Variants in ELFN1 observed in about 807,000 individuals in gnomAD.
ELFN1 encodes the protein protein ELFN1.
Under a neutral mutation model 7.6 loss-of-function variants are expected in ELFN1, and 6 were observed. That is an observed-to-expected ratio of 0.79 (90% CI 0.43 to 1.56). The LOEUF (loss-of-function observed/expected upper bound fraction) is 1.56, where lower values mean the gene tolerates loss of function less well. ELFN1 is among the 40% of genes most tolerant of loss of function. The pLI is 0.01. For synonymous variants in ELFN1, 657 were observed against 588.1 expected (o/e 1.12, Z -1.70); for missense variants, 1,169 against 1,232.2 (o/e 0.95, Z 0.77).
chr7:1,689,134 A>G (rs962740698), intron 2 of ELFN1, among the ~76,000 whole-genome samples: 1 of 152,206 alleles, frequency 6.6e-6, no homozygotes, highest in East Asian at 1.9e-4. Context: ...TTCCCCCACA[A>G]GATTCCCTGG....
At chr7:1,738,128 C>A (rs1780501963) in intron 3 of ELFN1, among the ~76,000 whole-genome samples, 1 of 152,230 alleles carries the variant, frequency 6.6e-6, no homozygotes, top group East Asian at 1.9e-4. Context: ...CCCAGGCGAC[C>A]CTGGCCAGTC....
intron 2 of ELFN1, chr7:1,692,978 A>G (rs1207557583): frequency 4.3e-5 from 11 of 257,588 alleles, no homozygotes; most frequent in African/African-American, 1.1e-4. Flanking sequence ...ACGCTCTGCC[A>G]TGTGCTGGCC....
intron 1 of ELFN1, among the ~76,000 whole-genome samples, chr7:1,671,469 C>A (rs550396336): frequency 2.0e-5 from 3 of 152,240 alleles, no homozygotes; most frequent in African/African-American, 7.2e-5. Flanking sequence ...CTCATTCCCT[C>A]GATTGGGCTA....
At chr7:1,724,100 C>G (rs1304145944) in intron 3 of ELFN1, among the ~76,000 whole-genome samples, 4 of 152,204 alleles carry the variant, frequency 2.6e-5, no homozygotes, top group Admixed American at 1.3e-4. Context: ...CATGTCTGCC[C>G]CTCGTCTGTA....
At chr7:1,704,906 G>A (rs1302257031) in intron 2 of ELFN1, among the ~76,000 whole-genome samples, 3 of 152,092 alleles carry the variant, frequency 2.0e-5, no homozygotes, top group Non-Finnish European at 1.5e-5. Context: ...TGGAGCTCCC[G>A]GCTGGAGAGA....
At chr7:1,689,526 A>G (rs1405745334) in intron 2 of ELFN1, among the ~76,000 whole-genome samples, 1 of 152,232 alleles carries the variant, frequency 6.6e-6, no homozygotes, top group Non-Finnish European at 1.5e-5. Flanking sequence ...CAGAGGGCTC[A>G]GCTGGGCAGG....
intron 1 of ELFN1, among the ~76,000 whole-genome samples, chr7:1,686,194 A>AT (rs1174731809): frequency 4.0e-5 from 6 of 150,806 alleles, no homozygotes; most frequent in Non-Finnish European, 8.8e-5. Context: ...AGTTGCTAGT[A>AT]TTGCTGGGTT....
chr7:1,723,383 C>G (rs1040529811), intron 3 of ELFN1, among the ~76,000 whole-genome samples: 18 of 152,190 alleles, frequency 1.2e-4, no homozygotes, highest in African/African-American at 4.3e-4. Context: ...CTTTTGCAGG[C>G]TCTGACGCTT....
intron 3 of ELFN1, among the ~76,000 whole-genome samples, chr7:1,743,694 G>A (rs578177353): frequency 3.0e-4 from 46 of 152,318 alleles, no homozygotes; most frequent in East Asian, 1.9e-3. Flanking sequence ...CCCGCGCCCC[G>A]GAAGGATTCT....
chr7:1,674,107 C>T (rs933017801), intron 1 of ELFN1, among the ~76,000 whole-genome samples: 4 of 150,704 alleles, frequency 2.7e-5, no homozygotes, highest in African/African-American at 9.8e-5. Flanking sequence ...GCACAGGAGC[C>T]AGTGGGGAAA....
chr7:1,724,984 G>A (rs376383633), intron 3 of ELFN1, among the ~76,000 whole-genome samples: 86 of 152,338 alleles, frequency 5.6e-4, no homozygotes, highest in African/African-American at 2.1e-3. Flanking sequence ...GCCGGGCATG[G>A]CCCTGGCGAG....
intron 2 of ELFN1, among the ~76,000 whole-genome samples, chr7:1,690,337 T>TATGGATG (rs1779134901): frequency 7.5e-6 from 1 of 133,956 alleles, no homozygotes; most frequent in Admixed American, 7.5e-5. Context: ...TAGAAGGATA[T>TATGGATG]ATGGATGATG....
intron 1 of ELFN1, among the ~76,000 whole-genome samples, chr7:1,671,461 C>G (rs1447689773): frequency 6.6e-6 from 1 of 152,246 alleles, no homozygotes; most frequent in Non-Finnish European, 1.5e-5. Context: ...CTCTGCCGCT[C>G]ATTCCCTCGA....
upstream of ELFN1, among the ~76,000 whole-genome samples, chr7:1,667,129 C>A (rs920779054): frequency 6.6e-6 from 1 of 151,464 alleles, no homozygotes; most frequent in African/African-American, 2.4e-5. The surrounding 1 kb of genome is among the most constrained non-coding windows in gnomAD (Gnocchi z 8.2). Flanking sequence ...GGGTGTCGGC[C>A]CCCCCCCGAA....
chr7:1,736,160 C>T (rs1407007961), intron 3 of ELFN1, among the ~76,000 whole-genome samples: 3 of 152,296 alleles, frequency 2.0e-5, no homozygotes, highest in East Asian at 3.9e-4. Flanking sequence ...ACAGACAGGG[C>T]GAGAGCCAAG....
At chr7:1,700,079 C>T (rs1456491328) in intron 2 of ELFN1, among the ~76,000 whole-genome samples, 1 of 152,178 alleles carries the variant, frequency 6.6e-6, no homozygotes, top group African/African-American at 2.4e-5. Flanking sequence ...AAATCTTTGG[C>T]TGTACATGGT....
chr7:1,708,493 A>G (rs1200077647), intron 2 of ELFN1, among the ~76,000 whole-genome samples: 3 of 152,116 alleles, frequency 2.0e-5, no homozygotes, highest in Non-Finnish European at 4.4e-5. Context: ...CTTCTCAGTG[A>G]TTGGCCTGGC....
intron 3 of ELFN1, among the ~76,000 whole-genome samples, chr7:1,731,082 A>G (rs1351786427): frequency 1.3e-5 from 2 of 152,032 alleles, no homozygotes; most frequent in African/African-American, 4.8e-5. Context: ...AAACAACAAA[A>G]CCCTCCCAAT....
At chr7:1,702,920 C>T (rs1174549447) in intron 2 of ELFN1, among the ~76,000 whole-genome samples, 5 of 145,862 alleles carry the variant, frequency 3.4e-5, no homozygotes, top group African/African-American at 8.4e-5. Flanking sequence ...TTAGCTGCAC[C>T]GTGGTGTGAT....
Sources: allele counts gnomAD v4.1 joint callset (sites outside exome capture counted in the v4.1 genomes callset), GRCh38; gene constraint gnomAD v4.1.1; non-coding constraint Gnocchi (gnomAD v3.1); transcripts MANE v1.5; gene names NCBI Gene and HGNC (gene_info 2026-07-23, HGNC 2026-07-21).